LAMA3: variants seen among roughly 807,000 people sequenced by gnomAD.
LAMA3 encodes laminin subunit alpha 3.
In LAMA3, 281 loss-of-function variants were observed where a neutral mutation model predicts 402.0. The ratio of observed to expected loss-of-function variants is 0.70; its 90% CI spans 0.63 to 0.77. The LOEUF (loss-of-function observed/expected upper bound fraction) is 0.77, where lower values mean the gene tolerates loss of function less well. LAMA3 is among the 30% of genes least tolerant of loss of function. LAMA3 has a pLI of 0.00. For synonymous variants in LAMA3, 1,431 were observed against 1,558.4 expected, an observed-to-expected ratio of 0.92 and a Z score of 1.93; for missense variants, 3,840 against 4,215.5, an observed-to-expected ratio of 0.91 and a Z score of 2.47.
chr18:23,755,249 A>G (rs1185735928), intron 6 of LAMA3, among the ~76,000 whole-genome samples: 1 of 152,224 alleles, frequency 6.6e-6, no homozygotes, highest in Non-Finnish European at 1.5e-5. Flanking sequence ...CACAGAGGGC[A>G]TGAGCTTCCT....
At chr18:23,908,260 G>C (rs2081315109) in intron 54 of LAMA3, among the ~76,000 whole-genome samples, 1 of 151,994 alleles carries the variant, frequency 6.6e-6, no homozygotes, top group Non-Finnish European at 1.5e-5. Context: ...TCTGTGCGCT[G>C]TGGCTCATGC....
At chr18:23,795,698 G>A (rs1294305535) in intron 12 of LAMA3, among the ~76,000 whole-genome samples, 3 of 151,558 alleles carry the variant, frequency 2.0e-5, no homozygotes, top group Non-Finnish European at 2.9e-5. Context: ...TTCAGGAATA[G>A]CTTGATCTAG....
At chr18:23,810,643 G>C (rs1568207830) in intron 13 of LAMA3, 140 bp downstream of exon 13, 10 of 929,266 alleles carry the variant, frequency 1.1e-5, no homozygotes, top group Non-Finnish European at 1.6e-5. Flanking sequence ...TAGTCTGCTT[G>C]GTTCCTCACC....
chr18:23,896,911 C>T (rs73967630), intron 44 of LAMA3, among the ~76,000 whole-genome samples: 5,247 of 152,090 alleles, frequency 0.034, 296 homozygotes, highest in African/African-American at 0.12. Context: ...AAGGGGAACT[C>T]CCACCCAGAA....
chr18:23,912,848 G>C lies in LAMA3; in HGVS notation c.7296G>C (p.Glu2432Asp). The part of the protein sequence containing the change: ...RPNSRENGGT[E>D]NMFVMYLGNK... ...ACTCAAGAGAAAATGGGGGTACTGA[G>C]AATATGTTTGTGATGTACCTTGGAA... The change falls in exon 56 of 75, where the codon GAG becomes GAC. Residue 2432 changes from glutamate (E) to aspartate (D), a missense_variant. Physicochemically the swap from Glu to Asp is conservative, Grantham distance 45. Coordinates refer to ENST00000313654, the MANE Select transcript of LAMA3 (RefSeq NM_198129.4). The C allele has an allele frequency of 6.2e-7, 1 of 1,614,054 alleles. No individual in the cohort carries two copies.
chr18:23,896,203 G>A (rs919085596), intron 44 of LAMA3, among the ~76,000 whole-genome samples: 4 of 152,160 alleles, frequency 2.6e-5, no homozygotes, highest in African/African-American at 4.8e-5. Context: ...AGGCATGATG[G>A]CACATGCCTG....
chr18:23,874,522 A>G (rs2064641224), intron 38 of LAMA3, among the ~76,000 whole-genome samples: 1 of 152,208 alleles, frequency 6.6e-6, no homozygotes, highest in Admixed American at 6.5e-5. Context: ...CTGTGGTCTT[A>G]TTGTGCATGA....
chr18:23,875,922 A>T (rs1473665534), intron 38 of LAMA3, among the ~76,000 whole-genome samples: 1 of 152,202 alleles, frequency 6.6e-6, no homozygotes, highest in Admixed American at 6.5e-5. Context: ...CCACCAGGGC[A>T]TGAAAACCAA....
chr18:23,920,811 C>A, intron 60 of LAMA3, 124 bp from the exon 61 acceptor site: 2 of 1,133,332 alleles, frequency 1.8e-6, no homozygotes, highest in Non-Finnish European at 2.6e-6. Flanking sequence ...CACCATTATC[C>A]CTTTTCACTG....
At chr18:23,815,136 G>A in intron 15 of LAMA3, 52 bp from the exon 16 acceptor site, 1 of 1,522,762 alleles carries the variant, frequency 6.6e-7, no homozygotes, top group Non-Finnish European at 9.1e-7. Context: ...CCAGAGCCAG[G>A]AACTGTCTTT....
chr18:23,748,183 T>G (rs1037861822), intron 3 of LAMA3, 123 bp downstream of exon 3: 6 of 750,912 alleles, frequency 8.0e-6, no homozygotes, highest in Non-Finnish European at 1.2e-5. Flanking sequence ...AATCCCAGCA[T>G]TTTGGAAGGC....
chr18:23,781,559 C>T (rs1012543697), intron 11 of LAMA3, among the ~76,000 whole-genome samples: 3 of 152,194 alleles, frequency 2.0e-5, no homozygotes, highest in Non-Finnish European at 2.9e-5. Flanking sequence ...TACATGTTTA[C>T]ACAAAGAACA....
At chr18:23,887,656 A>G (rs1205073047) in intron 41 of LAMA3, among the ~76,000 whole-genome samples, 28 of 152,238 alleles carry the variant, frequency 1.8e-4, no homozygotes, top group Non-Finnish European at 4.4e-5. Context: ...CTACACAATG[A>G]TAAACACAAG....
rs145757820 is a variant in LAMA3 at position 23,844,972 on chromosome 18, T to C, written c.3604-37T>C. ...AAGTAGCCTTAGGTCTGTGTCATCATTGGAAATTCTAAGACATGCTGGTGG... is the reference window on the plus strand; with the variant it reads ...AAGTAGCCTTAGGTCTGTGTCATCACTGGAAATTCTAAGACATGCTGGTGG... On this transcript the variant is annotated intron_variant, in intron 29 of 74. Transcript: ENST00000313654. 161 of 1,178,568 alleles carry C rather than the reference T, an allele frequency of 1.4e-4. No homozygotes were observed. In the East Asian group the frequency reaches 3.6e-3, roughly 26 times the overall value. 73.0% of individuals were successfully genotyped at this position (1,178,568 alleles called of 1,614,324 possible).
chr18:23,894,233 A>G (rs1318385758), intron 42 of LAMA3, 65 bp from the exon 43 acceptor site: 5 of 1,310,528 alleles, frequency 3.8e-6, no homozygotes, highest in Non-Finnish European at 5.5e-6. Context: ...CTGAAAACCA[A>G]GTTAAAGAGC....
chr18:23,762,570 C>T (rs2061990863), intron 7 of LAMA3, among the ~76,000 whole-genome samples: 1 of 150,596 alleles, frequency 6.6e-6, no homozygotes, highest in Non-Finnish European at 1.5e-5. Flanking sequence ...GCCTGGGTGA[C>T]AGAGCGAGAC....
rs1423964423 is a variant in LAMA3, at chr18:23,933,776, T to G, written c.8709-6T>G. 3 of 1,614,086 alleles carry G rather than the reference T, an allele frequency of 1.9e-6. No homozygotes were observed. Among genetic ancestry groups the G allele is most frequent in the Admixed American group, 1.7e-5 (1 of 60,032 alleles). ...GCAGCATCTTTCATTTCTGCTCTTT[T>G]TCCAGGTTATCACTGAGTCCTGAAG... On this transcript the variant is annotated splice_region_variant and splice_polypyrimidine_tract_variant and intron_variant, in intron 66 of 74. Transcript: ENST00000313654.
intron 11 of LAMA3, among the ~76,000 whole-genome samples, chr18:23,780,862 G>A (rs2062423441): frequency 6.6e-6 from 1 of 152,182 alleles, no homozygotes; most frequent in Admixed American, 6.5e-5. Context: ...ACTGTCAAGG[G>A]ATTTAAAACT....
intron 12 of LAMA3, among the ~76,000 whole-genome samples, chr18:23,796,453 G>A (rs918495188): frequency 1.3e-5 from 2 of 152,144 alleles, no homozygotes; most frequent in Admixed American, 6.5e-5. Context: ...AGACAGGGTG[G>A]CAAAACTATG....
Sources: allele counts gnomAD v4.1 joint callset (sites outside exome capture counted in the v4.1 genomes callset), GRCh38; gene constraint gnomAD v4.1.1; transcripts MANE v1.5; gene names NCBI Gene and HGNC (gene_info 2026-07-23, HGNC 2026-07-21).